Variants in MID1 observed in about 807,000 individuals in gnomAD.
MID1 encodes the protein E3 ubiquitin-protein ligase Midline-1.
Under a neutral mutation model 40.4 loss-of-function variants are expected in MID1, and 7 were observed. That is an observed-to-expected ratio of 0.17 (90% CI 0.10 to 0.33). MID1 has a LOEUF of 0.33. Among genes scored for constraint, MID1 ranks in the 10% least tolerant of loss-of-function variants. MID1 has a pLI of 1.00. For missense variants in MID1, 367 were observed against 558.5 expected (o/e 0.66, Z 3.46); for synonymous variants, 229 against 221.2 (o/e 1.04, Z -0.31).
chrX:10,473,606 G>A (rs1390059339), intron 6 of MID1, among the ~76,000 whole-genome samples: 3 of 111,768 alleles, frequency 2.7e-5, no homozygotes, highest in East Asian at 2.8e-4. Context: ...TTGTTCAATC[G>A]CTTTCTCACA....
At chrX:10,588,621 GTC>G (rs777380917) in intron 1 of MID1, among the ~76,000 whole-genome samples, 22 of 107,143 alleles carry the variant, frequency 2.1e-4, no homozygotes, top group African/African-American at 7.2e-4. Flanking sequence ...TTGACTTTCT[GTC>G]TCTCTGTCTC....
chrX:10,525,686 G>A (rs758506698), intron 2 of MID1, among the ~76,000 whole-genome samples: 3 of 112,399 alleles, frequency 2.7e-5, no homozygotes, highest in Admixed American at 1.9e-4. Flanking sequence ...CAAGGCACTC[G>A]TGTGCAACAG....
chrX:10,489,615 C>T (rs1021917145), intron 4 of MID1, among the ~76,000 whole-genome samples: 2 of 111,691 alleles, frequency 1.8e-5, no homozygotes, highest in African/African-American at 6.5e-5. Flanking sequence ...ACAAATACCA[C>T]CTTATATTGA....
chrX:10,503,300 C>A (rs993074754), intron 3 of MID1, among the ~76,000 whole-genome samples: 3 of 111,254 alleles, frequency 2.7e-5, no homozygotes, highest in Non-Finnish European at 5.7e-5. Flanking sequence ...TGAGGAACAG[C>A]AGACAATATT....
rs143045047 is a variant in MID1, at chrX:10,510,274, C to T, written c.756+12818G>A. ...GGACAGTTTAATGGATTTTGATAAC[C>T]GACAGCTCAATCAAGACATAAAACA... On this transcript the variant is annotated intron_variant, in intron 3 of 9. Coordinates refer to ENST00000317552, the MANE Select transcript of MID1 (RefSeq NM_000381.4). Among the ~76,000 whole-genome samples the T allele has an allele frequency of 1.6e-3, 173 of 110,878 alleles. No individual in the cohort carries two copies. The East Asian group carries it at 0.031, about 20-fold the overall frequency.
chrX:10,832,643 A>AT (rs966425498), intron 1 of MID1, among the ~76,000 whole-genome samples: 6 of 112,029 alleles, frequency 5.4e-5, no homozygotes, highest in Non-Finnish European at 9.4e-5. Flanking sequence ...ATAAAAATAA[A>AT]TTTTTTTACC....
In MID1 at chrX:10,456,475, C is replaced by T. The variant is rs140290315; in HGVS notation, c.1448-1398G>A. ...ATAAAACTTTATTTACAAAATCAGGCAGCCAGATTTGGCCCTTGAGCTATA... is the reference window on the plus strand; with the variant it reads ...ATAAAACTTTATTTACAAAATCAGGTAGCCAGATTTGGCCCTTGAGCTATA... On this transcript the variant is annotated intron_variant, in intron 8 of 9. Transcript: ENST00000317552. Among the ~76,000 whole-genome samples, 9 of 112,467 alleles carry T rather than the reference C, an allele frequency of 8.0e-5. No individual in the cohort carries two copies. In the East Asian group the frequency reaches 1.9e-3, roughly 24 times the overall value.
At chrX:10,638,831 A>G (rs1234006219) in intron 1 of MID1, among the ~76,000 whole-genome samples, 1 of 111,991 alleles carries the variant, frequency 8.9e-6, no homozygotes, top group African/African-American at 3.2e-5. Flanking sequence ...ATCAGATAGC[A>G]AAATTTGCTG....
chrX:10,465,162 C>A (rs1317940092), intron 7 of MID1, among the ~76,000 whole-genome samples: 3 of 93,509 alleles, frequency 3.2e-5, no homozygotes, highest in Admixed American at 2.5e-4. Context: ...CCAGCCTGGG[C>A]AGCAGAGCAA....
chrX:10,449,199 A>C lies in MID1; in HGVS notation c.*169T>G. ...ATTATTAAAGCCCGTACTTAATACAAGACACAGTAAAAGGAGAGGAATCTC... is the reference window on the plus strand; with the variant it reads ...ATTATTAAAGCCCGTACTTAATACACGACACAGTAAAAGGAGAGGAATCTC... On this transcript the variant is annotated 3_prime_UTR_variant, in exon 10 of 10. Coordinates refer to ENST00000317552, the MANE Select transcript of MID1 (RefSeq NM_000381.4). 2 of 440,909 alleles carry C rather than the reference A, an allele frequency of 4.5e-6. No individual in the cohort carries two copies. The highest frequency in any genetic ancestry group is 4.0e-6 in the Non-Finnish European group (1 of 251,943). 36.3% of individuals were successfully genotyped at this position (440,909 alleles called of 1,213,427 possible).
chrX:10,578,797 G>A (rs966244288), intron 1 of MID1, among the ~76,000 whole-genome samples: 4 of 111,798 alleles, frequency 3.6e-5, no homozygotes, highest in Non-Finnish European at 5.6e-5. Context: ...GACCAACAGC[G>A]TGATGGTAGC....
At position 10,448,205 on chromosome X, in the gene MID1, G is replaced by A. The variant is rs2147251045; in HGVS notation, c.*1163C>T. The A allele has an allele frequency of 9.2e-6, 1 of 108,901 alleles. No individual in the cohort carries two copies. The highest frequency in any genetic ancestry group is 4.0e-4 in the South Asian group (1 of 2,528). 9.0% of individuals were successfully genotyped at this position (108,901 alleles called of 1,213,427 possible). A position where few individuals can be genotyped will look rare whatever the true frequency, so the allele number is the denominator to read the frequency against. ...TTCAAGATGTGTTTAATAAAGGTCT[G>A]TTTATAATAACTTTTGAGGCATGAA... On this transcript the variant is annotated 3_prime_UTR_variant, in exon 10 of 10. Coordinates refer to ENST00000317552, the MANE Select transcript of MID1 (RefSeq NM_000381.4).
intron 1 of MID1, among the ~76,000 whole-genome samples, chrX:10,576,134 AT>A (rs1934865830): frequency 9.0e-6 from 1 of 110,876 alleles, no homozygotes; most frequent in African/African-American, 3.3e-5. Flanking sequence ...TATTATTATT[AT>A]TATTTTTTTA....
chrX:10,508,063 G>A (rs1164877900), intron 3 of MID1, among the ~76,000 whole-genome samples: 1 of 112,438 alleles, frequency 8.9e-6, no homozygotes, highest in African/African-American at 3.2e-5. Flanking sequence ...GATCATCTAT[G>A]AAGCAAATCT....
intron 1 of MID1, among the ~76,000 whole-genome samples, chrX:10,648,357 T>G (rs1327713562): frequency 8.9e-6 from 1 of 111,877 alleles, no homozygotes; most frequent in Non-Finnish European, 1.9e-5. Flanking sequence ...TAAGGAAATC[T>G]GTGTTTTTAA....
At chrX:10,798,870 C>G in intron 1 of MID1, among the ~76,000 whole-genome samples, 1 of 111,807 alleles carries the variant, frequency 8.9e-6, no homozygotes, top group Non-Finnish European at 1.9e-5. Flanking sequence ...TTGTGTTTCT[C>G]AGTCTATCCT....
chrX:10,752,572 T>C lies in MID1; in HGVS notation c.-187+80982A>G, dbSNP rs770422128. On this transcript the variant is annotated intron_variant, in intron 1 of 10. Transcript: ENST00000380785. Reference sequence around the variant, plus strand: ...ATCTGGTAGATAGCCCCAAATAGCCTATTTGCCTAGAATCCTGCAAGAGCC... The same window carrying C: ...ATCTGGTAGATAGCCCCAAATAGCCCATTTGCCTAGAATCCTGCAAGAGCC... 5.7e-3 allele frequency among the ~76,000 whole-genome samples: 639 copies of C among 111,556 alleles called. 3 individuals carry two copies. Among genetic ancestry groups the C allele is most frequent in the Middle Eastern group, 0.014 (3 of 215 alleles).
chrX:10,661,253 G>A (rs774372581), intron 1 of MID1, among the ~76,000 whole-genome samples: 25 of 111,241 alleles, frequency 2.2e-4, no homozygotes, highest in African/African-American at 5.9e-4. Context: ...GGGGGAAGCC[G>A]CATGAATGGT....
intron 5 of MID1, among the ~76,000 whole-genome samples, chrX:10,480,457 A>AAT (rs1274010146): frequency 8.9e-6 from 1 of 112,545 alleles, no homozygotes; most frequent in Admixed American, 9.4e-5. Flanking sequence ...TGCAGTTCAT[A>AAT]ATAGCCATTT....
Sources: gnomAD v4.1 joint callset for allele counts (sites outside exome capture counted in the v4.1 genomes callset) on GRCh38, gnomAD v4.1.1 for gene constraint, MANE v1.5 for transcripts, NCBI Gene and HGNC (gene_info 2026-07-23, HGNC 2026-07-21) for gene names.